The following ROBO2 variants were observed in gnomAD, a reference collection of about 807,000 sequenced individuals.
The protein encoded by ROBO2 is roundabout homolog 2.
In ROBO2, 53 loss-of-function variants were observed where a neutral mutation model predicts 160.8. The ratio of observed to expected loss-of-function variants is 0.33; its 90% CI spans 0.26 to 0.41. The LOEUF is 0.41. Ranked by LOEUF, ROBO2 falls within the 10% of genes least tolerant of loss-of-function variation. ROBO2 has a pLI of 1.00. For synonymous variants in ROBO2, 664 were observed against 611.7 expected, an observed-to-expected ratio of 1.09 and a Z score of -1.26; for missense variants, 1,577 against 1,722.4, an observed-to-expected ratio of 0.92 and a Z score of 1.49.
chr3:76,228,659 A>C (rs1704438076), intron 2 of ROBO2, among the ~76,000 whole-genome samples: 1 of 152,168 alleles, frequency 6.6e-6, no homozygotes, highest in Admixed American at 6.6e-5. Context: ...ATTTTATTTT[A>C]CATAAATTAT....
intron 2 of ROBO2, among the ~76,000 whole-genome samples, chr3:76,566,938 C>T (rs555849156): frequency 1.8e-4 from 28 of 152,090 alleles, no homozygotes; most frequent in Non-Finnish European, 2.5e-4. Context: ...GGAACTAAGT[C>T]GCAGAGGCAG....
At chr3:76,422,625 A>G (rs1368727399) in intron 2 of ROBO2, among the ~76,000 whole-genome samples, 1 of 152,184 alleles carries the variant, frequency 6.6e-6, no homozygotes, top group Non-Finnish European at 1.5e-5. Flanking sequence ...TAGAAAATAA[A>G]TTTACTTTCA....
intron 2 of ROBO2, among the ~76,000 whole-genome samples, chr3:77,161,933 T>C (rs945690159): frequency 6.6e-6 from 1 of 152,154 alleles, no homozygotes; most frequent in Non-Finnish European, 1.5e-5. Context: ...TACAAAGTCA[T>C]GGTTTGACAG....
intron 2 of ROBO2, among the ~76,000 whole-genome samples, chr3:77,359,129 A>C (rs573625394): frequency 3.3e-5 from 5 of 152,228 alleles, no homozygotes; most frequent in Admixed American, 6.5e-5. Flanking sequence ...TAGGAATCAA[A>C]TGTTCTTTGA....
intron 2 of ROBO2, among the ~76,000 whole-genome samples, chr3:77,266,535 C>A (rs998176518): frequency 6.6e-6 from 1 of 152,040 alleles, no homozygotes; most frequent in African/African-American, 2.4e-5. Flanking sequence ...CCTTTTCTCC[C>A]CTAGGGTTCC....
chr3:77,208,082 G>A (rs1034548703), intron 2 of ROBO2, among the ~76,000 whole-genome samples: 2 of 152,106 alleles, frequency 1.3e-5, no homozygotes, highest in Admixed American at 6.6e-5. Context: ...AGCTGATGCC[G>A]AGTTTAATTC....
At chr3:76,236,712 G>A (rs1704967508) in intron 2 of ROBO2, among the ~76,000 whole-genome samples, 1 of 151,962 alleles carries the variant, frequency 6.6e-6, no homozygotes, top group Non-Finnish European at 1.5e-5. Flanking sequence ...TATGAAAAAG[G>A]AGAAGTTAGA....
intron 2 of ROBO2, among the ~76,000 whole-genome samples, chr3:75,981,467 G>A (rs573456627): frequency 1.0e-3 from 158 of 151,366 alleles, no homozygotes; most frequent in Middle Eastern, 0.01. Flanking sequence ...AAAATAACTC[G>A]TGACTCTGTT....
At chr3:77,517,950 TC>T (rs997511984) in intron 5 of ROBO2, among the ~76,000 whole-genome samples, 1 of 151,504 alleles carries the variant, frequency 6.6e-6, no homozygotes, top group African/African-American at 2.4e-5. Context: ...TGGAACATTT[TC>T]CCTCTGAATA....
At chr3:76,895,466 A>C (rs1175060764) in intron 2 of ROBO2, among the ~76,000 whole-genome samples, 2 of 152,064 alleles carry the variant, frequency 1.3e-5, no homozygotes, top group Non-Finnish European at 2.9e-5. Flanking sequence ...CATTCATTAT[A>C]CTTTATCATA....
At chr3:77,298,080 A>G (rs1446798049) in intron 2 of ROBO2, among the ~76,000 whole-genome samples, 1 of 152,160 alleles carries the variant, frequency 6.6e-6, no homozygotes, top group Non-Finnish European at 1.5e-5. Context: ...GTGTCATTGG[A>G]TCCATCAAAG....
intron 2 of ROBO2, among the ~76,000 whole-genome samples, chr3:76,198,485 AC>A (rs1702366637): frequency 6.6e-6 from 1 of 152,164 alleles, no homozygotes; most frequent in Non-Finnish European, 1.5e-5. Flanking sequence ...AAATTACTTT[AC>A]CCCAAAATGT....
intron 2 of ROBO2, among the ~76,000 whole-genome samples, chr3:77,139,960 G>T (rs2076575771): frequency 2.0e-5 from 3 of 152,124 alleles, no homozygotes; most frequent in Admixed American, 1.3e-4. Context: ...ACCTCCTCAT[G>T]ACCAGCTGAA....
chr3:77,386,744 A>G (rs892032600), intron 2 of ROBO2, among the ~76,000 whole-genome samples: 5 of 151,224 alleles, frequency 3.3e-5, no homozygotes, highest in African/African-American at 1.2e-4. Context: ...CTGGGATTAC[A>G]GGCGCCCACC....
At chr3:77,286,490 A>T (rs895489996) in intron 2 of ROBO2, among the ~76,000 whole-genome samples, 1 of 152,058 alleles carries the variant, frequency 6.6e-6, no homozygotes, top group Non-Finnish European at 1.5e-5. Flanking sequence ...TCCTGACCTC[A>T]AGTGATCCGA....
At chr3:77,033,822 C>A (rs1021230900) in intron 2 of ROBO2, among the ~76,000 whole-genome samples, 4 of 151,806 alleles carry the variant, frequency 2.6e-5, no homozygotes, top group African/African-American at 9.7e-5. Context: ...ATTTGTATGG[C>A]AAATATATAT....
chr3:76,044,626 G>A (rs1249945783), intron 2 of ROBO2, among the ~76,000 whole-genome samples: 1 of 151,788 alleles, frequency 6.6e-6, no homozygotes, highest in African/African-American at 2.4e-5. Context: ...TAGGCTCTGG[G>A]GATTAAACAG....
intron 2 of ROBO2, among the ~76,000 whole-genome samples, chr3:77,387,525 C>A (rs2153495056): frequency 6.6e-6 from 1 of 151,848 alleles, no homozygotes; most frequent in South Asian, 2.1e-4. Flanking sequence ...TTGAAGTTTC[C>A]TTTTGATAGT....
At chr3:77,038,537 C>A (rs978361285), upstream of ROBO2, among the ~76,000 whole-genome samples, 3 of 152,100 alleles carry the variant, frequency 2.0e-5, no homozygotes, top group East Asian at 3.9e-4. Context: ...CTCAGACGGC[C>A]CCTTCTGGAG....
Sources: gnomAD v4.1 joint callset for allele counts (sites outside exome capture counted in the v4.1 genomes callset) on GRCh38, gnomAD v4.1.1 for gene constraint, MANE v1.5 for transcripts, NCBI Gene and HGNC (gene_info 2026-07-23, HGNC 2026-07-21) for gene names.